Variants in CDK1 observed in about 807,000 individuals in gnomAD.
The protein encoded by CDK1 is cyclin-dependent kinase 1.
Under a neutral mutation model 34.6 loss-of-function variants are expected in CDK1, and 5 were observed. The observed-to-expected ratio is 0.14, with a 90% CI of 0.08 to 0.30. The LOEUF is 0.30. Ranked by LOEUF, CDK1 falls within the 10% of genes least tolerant of loss-of-function variation. The pLI is 1.00. For synonymous variants in CDK1, 108 were observed against 114.7 expected (o/e 0.94, Z 0.37); for missense variants, 157 against 345.7 (o/e 0.45, Z 4.33).
intron 5 of CDK1, 74 bp from the exon 6 acceptor site, chr10:60,791,815 TA>T: frequency 1.3e-6 from 1 of 762,414 alleles, no homozygotes; most frequent in Non-Finnish European, 2.1e-6. Flanking sequence ...ACAGCCCTAA[TA>T]AAAATATAAA....
At position 60,794,044 on chromosome 10, in the gene CDK1, A is replaced by G; in HGVS notation, c.*69A>G. ...GTGTTTTTATTGTTAACTCTTGTCT[A>G]TTTTTGTCTTATATATATTTCTTTG... On this transcript the variant is annotated 3_prime_UTR_variant, in exon 8 of 8. Transcript: ENST00000395284. The G allele has an allele frequency of 2.6e-6, 2 of 770,460 alleles. No individual in the cohort carries two copies. Among genetic ancestry groups the G allele is most frequent in the Non-Finnish European group, 2.1e-6 (1 of 469,174 alleles). 47.7% of individuals were successfully genotyped at this position (770,460 alleles called of 1,614,324 possible).
Position 60,784,812 on chromosome 10 carries a change from A to G in CDK1, c.145A>G (p.Ile49Val), listed in dbSNP as rs142650572. ...AGAGGAAGGGGTTCCTAGTACTGCA[A>G]TTCGGGAAATTTCTCTATTAAAGGA... is the stretch of plus-strand genomic sequence containing the variant. ...SEEEGVPSTA[I>V]REISLLKELR... The change falls in exon 3 of 8, where the codon ATT becomes GTT. Residue 49 changes from isoleucine (I) to valine (V), a missense_variant. Transcript: ENST00000395284. 6.2e-7 allele frequency: 1 copy of G among 1,613,682 alleles called. No individual in the cohort carries two copies. Among genetic ancestry groups the G allele is most frequent in the Non-Finnish European group, 8.5e-7 (1 of 1,179,636 alleles).
At chr10:60,781,483 C>T (rs530884147) in intron 2 of CDK1, among the ~76,000 whole-genome samples, 6 of 152,048 alleles carry the variant, frequency 3.9e-5, no homozygotes, top group African/African-American at 7.2e-5. Flanking sequence ...GGACTTAACA[C>T]GAAAGATATG....
At chr10:60,791,631 T>C (rs1179437618) in intron 5 of CDK1, among the ~76,000 whole-genome samples, 1 of 152,148 alleles carries the variant, frequency 6.6e-6, no homozygotes, top group African/African-American at 2.4e-5. Flanking sequence ...AAGATAAGGC[T>C]GTATAACTGT....
At chr10:60,791,776 AT>A (rs1169234046) in intron 5 of CDK1, 113 bp from the exon 6 acceptor site, 1 of 544,510 alleles carries the variant, frequency 1.8e-6, no homozygotes, top group African/African-American at 1.9e-5. Flanking sequence ...AAACAATATT[AT>A]TGGTGGCAGT....
rs2080301456 is a variant in CDK1 at position 60,784,766 on chromosome 10, A to G, written c.99A>G (p.Lys33=). The part of the protein sequence containing the change: ...HKTTGQVVAM[K]KIRLESEEEG... ...CTACAGGTCAAGTGGTAGCCATGAA[A>G]AAAATCAGACTAGAAAGTGAAGAGG... Residue 33 remains lysine, a synonymous_variant, in exon 3 of 8, where the codon AAA becomes AAG. Coordinates refer to ENST00000395284, the MANE Select transcript of CDK1 (RefSeq NM_001786.5). 1.2e-6 allele frequency: 2 copies of G among 1,613,370 alleles called. No individual in the cohort carries two copies. Among genetic ancestry groups the G allele is most frequent in the African/African-American group, 2.7e-5 (2 of 74,912 alleles).
chr10:60,793,247 A>C (rs1199021143), intron 7 of CDK1, among the ~76,000 whole-genome samples: 7 of 152,040 alleles, frequency 4.6e-5, no homozygotes, highest in Non-Finnish European at 5.9e-5. Context: ...GTTACATGAG[A>C]GTTCAGATGG....
At chr10:60,784,205 T>G (rs537995563) in intron 2 of CDK1, among the ~76,000 whole-genome samples, 24 of 152,346 alleles carry the variant, frequency 1.6e-4, no homozygotes, top group African/African-American at 5.8e-4. Flanking sequence ...GAATTTTATT[T>G]TTAAGCCATA....
rs1042100667 is a variant in CDK1, at chr10:60,782,974, A to C, written c.38-1731A>C. On this transcript the variant is annotated intron_variant, in intron 2 of 7. Transcript: ENST00000395284. ...TATTTAGGATTAGATGAGATTGTAC[A>C]CTTGAGGGAGAAGAAAGGATGCTAG... is the stretch of plus-strand genomic sequence containing the variant. Among the ~76,000 whole-genome samples, 4 of 152,118 alleles carry C rather than the reference A, an allele frequency of 2.6e-5. No homozygotes were observed. In the East Asian group the frequency reaches 7.7e-4, roughly 29 times the overall value.
Position 60,788,248 on chromosome 10 carries a change from T to G in CDK1, c.489+18T>G. 2 of 1,492,834 alleles carry G rather than the reference T, an allele frequency of 1.3e-6. No homozygotes were observed. Among genetic ancestry groups the G allele is most frequent in the Middle Eastern group, 1.8e-4 (1 of 5,650 alleles). The allele number at this position is 1,492,834 out of a possible 1,614,324, so 92.5% of individuals were successfully genotyped here. ...CACATGAGGCAAGTGGAATAGTGGT[T>G]TTTGATGGCTTTTGAATGTGTGTGA... On this transcript the variant is annotated intron_variant, in intron 5 of 7. Coordinates refer to ENST00000395284, the MANE Select transcript of CDK1 (RefSeq NM_001786.5).
intron 5 of CDK1, among the ~76,000 whole-genome samples, chr10:60,788,437 G>A (rs2080333295): frequency 6.6e-6 from 1 of 152,092 alleles, no homozygotes; most frequent in Admixed American, 6.6e-5. Flanking sequence ...CAGCTGCTAT[G>A]TTGTTAAGGT....
intron 2 of CDK1, among the ~76,000 whole-genome samples, chr10:60,781,529 T>C (rs2080273064): frequency 6.6e-6 from 1 of 152,224 alleles, no homozygotes; most frequent in African/African-American, 2.4e-5. Flanking sequence ...GCATTTGTTA[T>C]GAGCGCTTTA....
chr10:60,785,268 A>T (rs1308655755), intron 3 of CDK1, among the ~76,000 whole-genome samples: 1 of 152,076 alleles, frequency 6.6e-6, no homozygotes, highest in Non-Finnish European at 1.5e-5. Context: ...GTTTTTGGAG[A>T]CCTGTCTTCC....
chr10:60,779,072 G>A (rs1052761715), intron 1 of CDK1, among the ~76,000 whole-genome samples: 6 of 152,214 alleles, frequency 3.9e-5, no homozygotes, highest in Non-Finnish European at 7.3e-5. Flanking sequence ...GGAACTCGTG[G>A]GCCTTCTTGG....
chr10:60,789,273 T>G (rs192709196), intron 5 of CDK1, among the ~76,000 whole-genome samples: 125 of 152,242 alleles, frequency 8.2e-4, no homozygotes, highest in African/African-American at 2.8e-3. Flanking sequence ...TTTGGGCTAT[T>G]TGAAAATTTA....
At chr10:60,778,406 T>C (rs2080240895), upstream of CDK1, 1 of 152,414 alleles carries the variant, frequency 6.6e-6, no homozygotes, top group African/African-American at 2.4e-5. Flanking sequence ...TCTGATTGGC[T>C]GCTTTGAAAG....
intron 5 of CDK1, among the ~76,000 whole-genome samples, chr10:60,791,073 G>A (rs2080356497): frequency 6.6e-6 from 1 of 152,006 alleles, no homozygotes; most frequent in South Asian, 2.1e-4. Flanking sequence ...AATGTCCTTG[G>A]TATTTTGATG....
rs145522127 is a variant in CDK1, at chr10:60,787,072, A to G, written c.319-988A>G. ...CAGATTCTGCTTTATCTTTTTCCAA[A>G]TGGCTAGCCAGTTGTTCTAACTGGT... On this transcript the variant is annotated intron_variant, in intron 4 of 7. Transcript: ENST00000395284. 1,115 of 984,824 alleles carry G rather than the reference A, an allele frequency of 1.1e-3. 15 individuals are homozygous for G. The African/African-American group carries it at 0.019, about 16-fold the overall frequency. The allele number at this position is 984,824 out of a possible 1,614,324, so 61.0% of individuals were successfully genotyped here.
At chr10:60,779,013 G>A (rs1045798782) in intron 1 of CDK1, among the ~76,000 whole-genome samples, 1 of 152,220 alleles carries the variant, frequency 6.6e-6, no homozygotes, top group Non-Finnish European at 1.5e-5. Flanking sequence ...ACCTGGGCCA[G>A]GTACAGGCGC....
Sources: gnomAD v4.1 joint callset for allele counts (sites outside exome capture counted in the v4.1 genomes callset) on GRCh38, gnomAD v4.1.1 for gene constraint, MANE v1.5 for transcripts, NCBI Gene and HGNC (gene_info 2026-07-23, HGNC 2026-07-21) for gene names.